Variants in FREM3 observed in about 807,000 individuals in gnomAD.
FREM3 encodes FRAS1 related extracellular matrix 3, also known as FRAS1-related extracellular matrix protein 3.
A neutral mutation model predicts 129.1 loss-of-function variants in FREM3; 105 were observed. The ratio of observed to expected loss-of-function variants is 0.81; its 90% CI spans 0.69 to 0.96. The LOEUF (loss-of-function observed/expected upper bound fraction) is 0.96. FREM3 is among the 40% of genes least tolerant of loss of function. The probability of loss-of-function intolerance (pLI) is 0.00; values close to 1 mark genes in which losing one functional copy is unlikely to be tolerated. For missense variants in FREM3, 2,593 were observed against 2,666.3 expected (o/e 0.97, Z 0.61); for synonymous variants, 1,014 against 1,044.9 (o/e 0.97, Z 0.57).
Position 143,697,931 on chromosome 4 carries a change from G to GGTAGT in FREM3, c.2744_2745insACTAC (p.Phe915LeufsTer7). On this transcript the variant is annotated frameshift_variant, in exon 1 of 8. Transcript: ENST00000329798. LOFTEE classifies it high-confidence loss of function. ...GCACCCCATCACTTACTTCCAGATG[G>GGTAGT]AAAGTGTCACTGGTAGTCGTCTGGT... The GGTAGT allele has an allele frequency of 1.3e-6, 2 of 1,537,886 alleles. No individual in the cohort carries two copies. Among genetic ancestry groups the GGTAGT allele is most frequent in the Non-Finnish European group, 1.7e-6 (2 of 1,147,058 alleles).
At chr4:143,651,384 G>T (rs1739506946) in intron 2 of FREM3, among the ~76,000 whole-genome samples, 1 of 152,196 alleles carries the variant, frequency 6.6e-6, no homozygotes, top group Non-Finnish European at 1.5e-5. Context: ...AGGATGGGTG[G>T]AAAGGCATTA....
intron 2 of FREM3, among the ~76,000 whole-genome samples, chr4:143,692,273 A>C (rs1328094406): frequency 6.6e-6 from 1 of 152,158 alleles, no homozygotes; most frequent in Non-Finnish European, 1.5e-5. Flanking sequence ...CACACGGGAC[A>C]AGTTGGGATT....
intron 2 of FREM3, among the ~76,000 whole-genome samples, chr4:143,629,333 A>T (rs1382908442): frequency 6.6e-6 from 1 of 152,178 alleles, no homozygotes; most frequent in East Asian, 1.9e-4. Flanking sequence ...GCAGGTTCTG[A>T]TCTATAGTTG....
At chr4:143,656,503 A>T (rs965670245) in intron 2 of FREM3, among the ~76,000 whole-genome samples, 4 of 152,244 alleles carry the variant, frequency 2.6e-5, no homozygotes, top group Non-Finnish European at 5.9e-5. Flanking sequence ...TGAAGTACTG[A>T]TATATGCTAT....
chr4:143,695,368 G>A, intron 1 of FREM3, 123 bp downstream of exon 1: 1 of 839,434 alleles, frequency 1.2e-6, no homozygotes, highest in Non-Finnish European at 1.8e-6. Flanking sequence ...ACGCTTCACT[G>A]TATTTTATTA....
At chr4:143,637,766 G>T (rs376862983) in intron 2 of FREM3, among the ~76,000 whole-genome samples, 2 of 152,134 alleles carry the variant, frequency 1.3e-5, no homozygotes, top group African/African-American at 4.8e-5. Flanking sequence ...AAAGATATGA[G>T]ATTTATGTGG....
chr4:143,650,187 GGTA>G (rs1243348507), intron 2 of FREM3, among the ~76,000 whole-genome samples: 1 of 152,172 alleles, frequency 6.6e-6, no homozygotes, highest in Non-Finnish European at 1.5e-5. Context: ...TCCAAACAAA[GGTA>G]GTAGTGTAGA....
Position 143,696,315 on chromosome 4 carries a change from A to C in FREM3, c.4361T>G (p.Ile1454Ser). 1 of 1,537,450 alleles carries C rather than the reference A, an allele frequency of 6.5e-7. No individual in the cohort carries two copies. The highest frequency in any genetic ancestry group is 8.7e-7 in the Non-Finnish European group (1 of 1,146,952). The change falls in exon 1 of 8, where the codon ATC (isoleucine) becomes AGC (serine). Residue 1454 changes from isoleucine (I) to serine (S), a missense_variant. Physicochemically the swap from Ile to Ser is moderately radical, Grantham distance 142. Coordinates refer to ENST00000329798, the MANE Select transcript of FREM3 (RefSeq NM_001168235.2). ...LTNNLLTNSDINSSDEHHFSI... is the reference protein window; with the variant it reads ...LTNNLLTNSDSNSSDEHHFSI... Reference sequence around the variant, plus strand: ...AAAGTGATGTTCATCAGAGCTGTTGATGTCACTGTTGGTAAGCAGATTGTT... The same window carrying C: ...AAAGTGATGTTCATCAGAGCTGTTGCTGTCACTGTTGGTAAGCAGATTGTT...
intron 6 of FREM3, among the ~76,000 whole-genome samples, chr4:143,591,459 C>A (rs1027306827): frequency 6.6e-6 from 1 of 152,188 alleles, no homozygotes; most frequent in Non-Finnish European, 1.5e-5. Flanking sequence ...TCATTGGTTT[C>A]AAAGAACATC....
chr4:143,663,180 G>A (rs949523255), intron 2 of FREM3, among the ~76,000 whole-genome samples: 5 of 152,090 alleles, frequency 3.3e-5, no homozygotes, highest in Non-Finnish European at 7.4e-5. Context: ...TCCTAGTCTT[G>A]ATGGTCTTTA....
chr4:143,640,647 G>GTC (rs1337700503), intron 2 of FREM3, among the ~76,000 whole-genome samples: 1 of 152,120 alleles, frequency 6.6e-6, no homozygotes, highest in East Asian at 1.9e-4. Flanking sequence ...TCCAGCCTGG[G>GTC]CAACAAGAGT....
At chr4:143,670,599 G>A (rs889479522) in intron 2 of FREM3, among the ~76,000 whole-genome samples, 12 of 152,194 alleles carry the variant, frequency 7.9e-5, no homozygotes, top group African/African-American at 1.2e-4. Context: ...TAAAATTGAC[G>A]TATGTGGCAA....
At chr4:143,646,387 A>G (rs1174055798) in intron 2 of FREM3, among the ~76,000 whole-genome samples, 1 of 152,026 alleles carries the variant, frequency 6.6e-6, no homozygotes, top group Admixed American at 6.6e-5. Flanking sequence ...TTTTTTAGAG[A>G]CAGAGTCTGA....
rs751841986 is a variant in FREM3, at chr4:143,585,991, G to T, written c.6031C>A (p.Pro2011Thr). 1.5e-5 allele frequency: 23 copies of T among 1,537,532 alleles called. No individual in the cohort carries two copies. The highest frequency in any genetic ancestry group is 1.9e-5 in the Non-Finnish European group (22 of 1,146,968). ...TCAGCATCCCCAAAGTGCAGGACAG[G>T]TTCTAAAGAGGCAAAAAAAGATACA... ...VTILADRYDE[P>T]VLHFGDAEYH... is the part of the protein sequence containing the mutation. Residue 2011 changes from proline (P) to threonine (T), a missense_variant and splice_region_variant, in exon 7 of 8, where the codon CCT (proline) becomes ACT (threonine). Around this residue, in one of 2 missense-constraint regions of FREM3, gnomAD observed 317 missense variants for 399.0 expected, o/e 0.79. Coordinates refer to ENST00000329798, the MANE Select transcript of FREM3 (RefSeq NM_001168235.2). This position sits in a 1 kb window ranked among gnomAD's most constrained non-coding sequence, Gnocchi z 4.2.
intron 2 of FREM3, among the ~76,000 whole-genome samples, chr4:143,640,395 A>G (rs11725490): frequency 0.28 from 42,246 of 152,070 alleles, 6,742 homozygotes; most frequent in Middle Eastern, 0.39. Context: ...AATTCAACCC[A>G]TGTATAGTTT....
intron 2 of FREM3, among the ~76,000 whole-genome samples, chr4:143,665,340 C>G (rs751556421): frequency 6.6e-6 from 1 of 152,096 alleles, no homozygotes; most frequent in Non-Finnish European, 1.5e-5. Context: ...TTACTCTTAC[C>G]ATAGCATTTA....
At chr4:143,584,084 GTC>G in intron 7 of FREM3, among the ~76,000 whole-genome samples, 1 of 152,220 alleles carries the variant, frequency 6.6e-6, no homozygotes, top group Non-Finnish European at 1.5e-5. Flanking sequence ...TGCAATGACA[GTC>G]ATAGGTTCAA....
chr4:143,613,698 GGA>G (rs911944136), intron 5 of FREM3, among the ~76,000 whole-genome samples: 6 of 152,166 alleles, frequency 3.9e-5, no homozygotes, highest in Admixed American at 3.9e-4. Flanking sequence ...CTATACCTTT[GGA>G]GAACACAGTT....
intron 2 of FREM3, among the ~76,000 whole-genome samples, chr4:143,662,897 G>A (rs1368017604): frequency 6.6e-6 from 1 of 151,994 alleles, no homozygotes; most frequent in East Asian, 1.9e-4. Context: ...CAGAAACTAG[G>A]ATTGCAACCC....
Sources: gnomAD v4.1 joint callset for allele counts (sites outside exome capture counted in the v4.1 genomes callset) on GRCh38, gnomAD v4.1.1 for gene constraint, gnomAD v4.1.1 regional missense constraint, Gnocchi (gnomAD v3.1) non-coding constraint, MANE v1.5 for transcripts, NCBI Gene and HGNC (gene_info 2026-07-23, HGNC 2026-07-21) for gene names.